Variants in PIK3C2G observed in about 807,000 individuals in gnomAD.
PIK3C2G encodes phosphatidylinositol-4-phosphate 3-kinase catalytic subunit type 2 gamma, also known as phosphatidylinositol 3-kinase C2 domain-containing subunit gamma.
Under a neutral mutation model 181.1 loss-of-function variants are expected in PIK3C2G, and 168 were observed. That is an observed-to-expected ratio of 0.93 (90% confidence interval 0.82 to 1.05). PIK3C2G has a LOEUF of 1.05. Ranked by LOEUF, PIK3C2G falls within the 50% of genes least tolerant of loss-of-function variation. The probability of loss-of-function intolerance (pLI) is 0.00; values close to 1 mark genes in which losing one functional copy is unlikely to be tolerated. For synonymous variants in PIK3C2G, 573 were observed against 592.2 expected, an observed-to-expected ratio of 0.97 and a Z score of 0.47; for missense variants, 1,869 against 1,732.8, an observed-to-expected ratio of 1.08 and a Z score of -1.40.
At chr12:18,399,438 T>C (rs1209958626) in intron 15 of PIK3C2G, among the ~76,000 whole-genome samples, 1 of 151,054 alleles carries the variant, frequency 6.6e-6, no homozygotes, top group African/African-American at 2.4e-5. Context: ...TCTGAATTGA[T>C]GTTATTTTTT....
chr12:18,669,321 G>T, the PIK3C2G span, among the ~76,000 whole-genome samples: 6 of 152,060 alleles, frequency 3.9e-5, no homozygotes, highest in Non-Finnish European at 8.8e-5. Flanking sequence ...GTGGTCTCTT[G>T]TATTCTTACT....
At chr12:18,281,542 C>T (rs1949219866) in intron 1 of PIK3C2G, among the ~76,000 whole-genome samples, 1 of 151,904 alleles carries the variant, frequency 6.6e-6, no homozygotes, top group African/African-American at 2.4e-5. Flanking sequence ...AAAAGTTTAG[C>T]TAACCATATT....
At chr12:18,371,461 A>G in intron 13 of PIK3C2G, 150 bp downstream of exon 13, 1 of 623,114 alleles carries the variant, frequency 1.6e-6, no homozygotes, top group Non-Finnish European at 2.5e-6. Flanking sequence ...TGCTGAAATC[A>G]GAACTGAAAA....
chr12:18,293,906 T>C lies in PIK3C2G; in HGVS notation c.925T>C (p.Tyr309His). 1 of 1,469,116 alleles carries C rather than the reference T, an allele frequency of 6.8e-7. No individual in the cohort carries two copies. The highest frequency in any genetic ancestry group is 9.5e-7 in the Non-Finnish European group (1 of 1,048,304). The allele number at this position is 1,469,116 out of a possible 1,614,324, so 91.0% of individuals were successfully genotyped here. ...QPLHFMPCAN[Y>H]LVKDLIAEIL... Reference sequence around the variant, plus strand: ...TTATTCCTCTTTTTCTTTAGCTAATTATCTTGTCAAAGATCTAATTGCAGA... The same window carrying C: ...TTATTCCTCTTTTTCTTTAGCTAATCATCTTGTCAAAGATCTAATTGCAGA... The change falls in exon 5 of 33, where the codon TAT (tyrosine) becomes CAT (histidine). Residue 309 changes from tyrosine (Y) to histidine (H), a missense_variant. By Grantham distance (83) the Tyr-to-His change is moderately conservative. Transcript: ENST00000538779.
At chr12:18,684,403 A>G in the PIK3C2G span, 3 of 888,080 alleles carry the variant, frequency 3.4e-6, no homozygotes, top group Non-Finnish European at 5.1e-6. Flanking sequence ...TGTTTAGAGC[A>G]CATAGGTTTT....
chr12:18,393,007 C>T (rs1280425512), intron 15 of PIK3C2G, among the ~76,000 whole-genome samples: 1 of 151,992 alleles, frequency 6.6e-6, no homozygotes, highest in African/African-American at 2.4e-5. Flanking sequence ...AATGTAAAAC[C>T]GTGTGTTCAA....
intron 25 of PIK3C2G, among the ~76,000 whole-genome samples, chr12:18,546,054 A>T (rs1000040106): frequency 8.6e-5 from 13 of 151,956 alleles, no homozygotes; most frequent in Non-Finnish European, 1.8e-4. Context: ...TCACTGGTTT[A>T]TGATGAGAAT....
At chr12:18,364,489 G>T (rs1260733124) in intron 12 of PIK3C2G, among the ~76,000 whole-genome samples, 4 of 152,012 alleles carry the variant, frequency 2.6e-5, no homozygotes, top group African/African-American at 4.8e-5. Context: ...ATAATACAAA[G>T]ATTTTTTTTT....
chr12:18,278,891 T>G (rs984108567), intron 1 of PIK3C2G, among the ~76,000 whole-genome samples: 3 of 152,110 alleles, frequency 2.0e-5, no homozygotes, highest in Non-Finnish European at 4.4e-5. Flanking sequence ...GAAATGGATC[T>G]GGAAGAGGTT....
intron 24 of PIK3C2G, among the ~76,000 whole-genome samples, chr12:18,530,979 C>A (rs897348927): frequency 6.6e-6 from 1 of 152,056 alleles, no homozygotes; most frequent in African/African-American, 2.4e-5. Flanking sequence ...GGATACTAGA[C>A]CTAAAAATAC....
chr12:18,434,797 C>T (rs1946357536), intron 18 of PIK3C2G, among the ~76,000 whole-genome samples: 1 of 152,140 alleles, frequency 6.6e-6, no homozygotes, highest in Non-Finnish European at 1.5e-5. Flanking sequence ...CAATATCCAC[C>T]TTTCCACATA....
the PIK3C2G span, among the ~76,000 whole-genome samples, chr12:18,725,058 T>C: frequency 6.6e-6 from 1 of 152,106 alleles, no homozygotes; most frequent in South Asian, 2.1e-4. Context: ...CCAAACAAAA[T>C]TCCACAAATC....
rs1947909015 is a variant in PIK3C2G at position 18,461,319 on chromosome 12, G to GT, written c.2505-27128dup. Reference sequence around the variant, plus strand: ...TGTTATAGTTAACCAAACCCCTGTTGTTGGACATTCAAACAAAAGTTGGAC... The same window carrying GT: ...TGTTATAGTTAACCAAACCCCTGTTGTTTGGACATTCAAACAAAAGTTGGAC... On this transcript the variant is annotated intron_variant, in intron 18 of 32. Coordinates refer to ENST00000538779, the MANE Select transcript of PIK3C2G (RefSeq NM_001288772.2). Among the ~76,000 whole-genome samples, 4 of 152,198 alleles carry GT rather than the reference G, an allele frequency of 2.6e-5. No individual in the cohort carries two copies. In the South Asian group the frequency reaches 8.3e-4, roughly 32 times the overall value.
chr12:18,379,306 T>C (rs563659572), intron 13 of PIK3C2G, among the ~76,000 whole-genome samples: 2 of 136,434 alleles, frequency 1.5e-5, no homozygotes, highest in Non-Finnish European at 1.5e-5. Flanking sequence ...TAGGTGGGAA[T>C]TGAACAATGA....
the PIK3C2G span, among the ~76,000 whole-genome samples, chr12:18,682,927 A>G: frequency 1.4e-4 from 21 of 152,026 alleles, no homozygotes; most frequent in African/African-American, 4.6e-4. Flanking sequence ...ATATTTTATA[A>G]TTAGATGTAT....
intron 1 of PIK3C2G, among the ~76,000 whole-genome samples, chr12:18,251,129 A>C (rs1948091795): frequency 6.6e-6 from 1 of 151,982 alleles, no homozygotes; most frequent in African/African-American, 2.4e-5. Context: ...ATATGTAATA[A>C]ATTTCGACTA....
Position 18,505,365 on chromosome 12 carries a change from A to G in PIK3C2G, c.3227A>G (p.His1076Arg). 1 of 1,613,404 alleles carries G rather than the reference A, an allele frequency of 6.2e-7. No homozygotes were observed. Among genetic ancestry groups the G allele is most frequent in the Non-Finnish European group, 8.5e-7 (1 of 1,179,632 alleles). ...TTCATCCTGGGAGTATGTGACCGTC[A>G]CAATGATAATATCATGCTGACAAAG... ...VTFILGVCDR[H>R]NDNIMLTKSG... The change falls in exon 24 of 33, where the codon CAC becomes CGC. Residue 1076 changes from histidine to arginine, a missense_variant. Transcript: ENST00000538779.
intron 29 of PIK3C2G, among the ~76,000 whole-genome samples, chr12:18,568,740 T>G (rs1945772102): frequency 6.6e-6 from 1 of 152,190 alleles, no homozygotes; most frequent in Admixed American, 6.6e-5. Flanking sequence ...ACAGGGGCAC[T>G]GTGACCCAGC....
chr12:18,372,117 A>G (rs1373403481), intron 13 of PIK3C2G, among the ~76,000 whole-genome samples: 1 of 152,172 alleles, frequency 6.6e-6, no homozygotes, highest in Non-Finnish European at 1.5e-5. Flanking sequence ...CCTAATCAAT[A>G]TAAAAAATTA....
Sources: gnomAD v4.1 joint callset for allele counts (sites outside exome capture counted in the v4.1 genomes callset) on GRCh38, gnomAD v4.1.1 for gene constraint, MANE v1.5 for transcripts, NCBI Gene and HGNC (gene_info 2026-07-23, HGNC 2026-07-21) for gene names.